The following TMEM132C variants were observed in gnomAD, a reference collection of about 807,000 sequenced individuals.
TMEM132C encodes the protein protein phosphatase 1, regulatory subunit 152.
TMEM132C carries 29 observed loss-of-function variants against 61.4 expected under a neutral mutation model. The ratio of observed to expected loss-of-function variants is 0.47; its 90% CI spans 0.35 to 0.64. The LOEUF (loss-of-function observed/expected upper bound fraction) is 0.64. Ranked by LOEUF, TMEM132C falls within the 30% of genes least tolerant of loss-of-function variation. The pLI, the probability that TMEM132C is intolerant of heterozygous loss-of-function variation, is 0.00. For synonymous variants in TMEM132C, 656 were observed against 633.1 expected, an observed-to-expected ratio of 1.04 and a Z score of -0.54; for missense variants, 1,408 against 1,476.9, an observed-to-expected ratio of 0.95 and a Z score of 0.76.
intron 5 of TMEM132C, 83 bp downstream of exon 5, chr12:128,669,643 A>G: frequency 2.0e-6 from 3 of 1,485,978 alleles, no homozygotes; most frequent in Non-Finnish European, 2.7e-6. Context: ...TTAGACTGAA[A>G]TACATGACGT....
At position 128,560,764 on chromosome 12, in the gene TMEM132C, A is replaced by G. The variant is rs149531720; in HGVS notation, c.1121+16661A>G. ...ATGGAAATATTTGCTGCATGAATAC[A>G]TGTATTGCTGAGTGAAAGATCTTTG... On this transcript the variant is annotated intron_variant, in intron 3 of 8. Coordinates refer to ENST00000435159, the MANE Select transcript of TMEM132C (RefSeq NM_001136103.3). Among the ~76,000 whole-genome samples the G allele has an allele frequency of 1.9e-3, 291 of 152,332 alleles. 2 individuals are homozygous for G. The highest frequency in any genetic ancestry group is 3.2e-3 in the Non-Finnish European group (217 of 68,026).
rs532212600 is a variant in TMEM132C, at chr12:128,527,228, A to G, written c.975-16729A>G. Among the ~76,000 whole-genome samples, 7 of 152,292 alleles carry G rather than the reference A, an allele frequency of 4.6e-5. No homozygotes were observed. In the South Asian group the frequency reaches 1.4e-3, roughly 32 times the overall value. On this transcript the variant is annotated intron_variant, in intron 2 of 8. Coordinates refer to ENST00000435159, the MANE Select transcript of TMEM132C (RefSeq NM_001136103.3). ...CCAACATGACAAGAACAAAAGAAAG[A>G]TGAATTCCTGGGGCACTGGGAGTGG...
intron 2 of TMEM132C, among the ~76,000 whole-genome samples, chr12:128,503,920 C>A (rs1565955564): frequency 6.6e-6 from 1 of 152,236 alleles, no homozygotes; most frequent in Non-Finnish European, 1.5e-5. Flanking sequence ...GGATCAAGAA[C>A]TTGGGAAGGG....
chr12:128,694,995 G>T (rs927031231), intron 6 of TMEM132C, among the ~76,000 whole-genome samples: 5 of 152,184 alleles, frequency 3.3e-5, no homozygotes, highest in African/African-American at 1.2e-4. Flanking sequence ...TTATGAGTTT[G>T]CCTCATAGTG....
At chr12:128,657,137 GC>G (rs563765072) in intron 4 of TMEM132C, among the ~76,000 whole-genome samples, 1 of 152,044 alleles carries the variant, frequency 6.6e-6, no homozygotes, top group Non-Finnish European at 1.5e-5. Flanking sequence ...TGAAGGGAGC[GC>G]CCCCCTCCTC....
chr12:128,465,043 TTC>T (rs1870681946), intron 2 of TMEM132C, among the ~76,000 whole-genome samples: 2 of 151,924 alleles, frequency 1.3e-5, no homozygotes, highest in South Asian at 4.2e-4. Context: ...TGGGTGTGCT[TTC>T]TGCAATCACG....
intron 2 of TMEM132C, among the ~76,000 whole-genome samples, chr12:128,426,170 C>T (rs1444763793): frequency 6.6e-6 from 1 of 152,252 alleles, no homozygotes; most frequent in Non-Finnish European, 1.5e-5. Context: ...ATAAACTCCT[C>T]TCCGCCGGAG....
At chr12:128,268,582 G>GC (rs936680764) in intron 1 of TMEM132C, among the ~76,000 whole-genome samples, 1 of 152,078 alleles carries the variant, frequency 6.6e-6, no homozygotes, top group Non-Finnish European at 1.5e-5. Context: ...CTGAGCCTTC[G>GC]CGCGGCGCCG....
At chr12:128,672,663 A>G (rs1384533088) in intron 5 of TMEM132C, among the ~76,000 whole-genome samples, 8 of 152,242 alleles carry the variant, frequency 5.3e-5, no homozygotes, top group Admixed American at 5.2e-4. Flanking sequence ...GGCTCAGTGT[A>G]CATGAGCACA....
At chr12:128,417,981 G>T (rs1359598051) in intron 2 of TMEM132C, among the ~76,000 whole-genome samples, 1 of 152,068 alleles carries the variant, frequency 6.6e-6, no homozygotes, top group Non-Finnish European at 1.5e-5. Flanking sequence ...CACATTAAAG[G>T]GTACTGCTTG....
intron 4 of TMEM132C, among the ~76,000 whole-genome samples, chr12:128,618,583 G>A (rs1209793656): frequency 6.6e-6 from 1 of 152,170 alleles, no homozygotes; most frequent in African/African-American, 2.4e-5. Flanking sequence ...GGAGGGACTC[G>A]ATGGGAGAAA....
intron 3 of TMEM132C, among the ~76,000 whole-genome samples, chr12:128,590,608 C>T (rs955445373): frequency 6.6e-6 from 1 of 152,080 alleles, no homozygotes; most frequent in Admixed American, 6.5e-5. Flanking sequence ...CTTGGCAACT[C>T]CCTTTTAGAC....
intron 4 of TMEM132C, among the ~76,000 whole-genome samples, chr12:128,644,682 A>G (rs576372974): frequency 2.6e-5 from 4 of 152,316 alleles, no homozygotes; most frequent in African/African-American, 9.6e-5. Context: ...AGGCTACACA[A>G]TTGTATAAAA....
intron 2 of TMEM132C, among the ~76,000 whole-genome samples, chr12:128,448,725 C>A (rs187067330): frequency 6.6e-6 from 1 of 152,166 alleles, no homozygotes; most frequent in Non-Finnish European, 1.5e-5. Flanking sequence ...AGGCAAAATA[C>A]GCCCTCTTTT....
intron 1 of TMEM132C, among the ~76,000 whole-genome samples, chr12:128,287,387 C>T (rs561727500): frequency 1.4e-4 from 22 of 152,304 alleles, no homozygotes; most frequent in African/African-American, 5.3e-4. Flanking sequence ...ATACTTTTCA[C>T]CTAGATTCCT....
chr12:128,515,807 C>T (rs1422087057), intron 2 of TMEM132C, among the ~76,000 whole-genome samples: 1 of 150,514 alleles, frequency 6.6e-6, no homozygotes, highest in Non-Finnish European at 1.5e-5. Flanking sequence ...TGCACTCCAG[C>T]GTGGACGACA....
intron 4 of TMEM132C, among the ~76,000 whole-genome samples, chr12:128,653,272 G>A (rs61301584): frequency 0.019 from 2,851 of 152,144 alleles, 87 homozygotes; most frequent in African/African-American, 0.066. Flanking sequence ...TGGGAGGAGG[G>A]GGGGATGGGA....
chr12:128,324,021 C>T lies in TMEM132C; in HGVS notation c.85+56534C>T, dbSNP rs140381952. Among the ~76,000 whole-genome samples the T allele has an allele frequency of 2.4e-3, 367 of 152,302 alleles. 4 individuals carry two copies. Among genetic ancestry groups the T allele is most frequent in the African/African-American group, 8.3e-3 (345 of 41,566 alleles). On this transcript the variant is annotated intron_variant, in intron 1 of 8. Transcript: ENST00000435159. ...AAATGCAGTCGTTTCAATAAAGGGA[C>T]AGATCTCAGTAAAGAGCATTTCCCC... is the stretch of plus-strand genomic sequence containing the variant.
chr12:128,575,839 A>G (rs772664933), intron 3 of TMEM132C, among the ~76,000 whole-genome samples: 8 of 152,230 alleles, frequency 5.3e-5, no homozygotes, highest in Non-Finnish European at 1.2e-4. Context: ...ACAGTTTACC[A>G]TTCATGACAC....
Sources: gnomAD v4.1 joint callset for allele counts (sites outside exome capture counted in the v4.1 genomes callset) on GRCh38, gnomAD v4.1.1 for gene constraint, MANE v1.5 for transcripts, NCBI Gene and HGNC (gene_info 2026-07-23, HGNC 2026-07-21) for gene names.